Variants in TIMP3 observed in about 807,000 individuals in gnomAD.
The protein encoded by TIMP3 is metalloproteinase inhibitor 3.
In TIMP3, 11 loss-of-function variants were observed where a neutral mutation model predicts 30.0. The ratio of observed to expected loss-of-function variants is 0.37; its 90% CI spans 0.23 to 0.61. The LOEUF is 0.61. TIMP3 is among the 20% of genes least tolerant of loss of function. TIMP3 has a pLI of 0.70. For missense variants in TIMP3, 181 were observed against 276.8 expected, an observed-to-expected ratio of 0.65 and a Z score of 2.45; for synonymous variants, 112 against 111.3, an observed-to-expected ratio of 1.01 and a Z score of -0.04.
chr22:32,826,041 G>T (rs1229376226), intron 1 of TIMP3, among the ~76,000 whole-genome samples: 1 of 152,212 alleles, frequency 6.6e-6, no homozygotes, highest in Non-Finnish European at 1.5e-5. Context: ...GGGAGTTTAG[G>T]TCATTTACAC....
intron 2 of TIMP3, among the ~76,000 whole-genome samples, chr22:32,856,131 A>C (rs2048356933): frequency 6.6e-6 from 1 of 152,214 alleles, no homozygotes; most frequent in African/African-American, 2.4e-5. Flanking sequence ...GTGAGTGAGA[A>C]TGTTTTTGTG....
At chr22:32,856,310 G>T (rs2048363518) in intron 2 of TIMP3, among the ~76,000 whole-genome samples, 1 of 152,140 alleles carries the variant, frequency 6.6e-6, no homozygotes, top group African/African-American at 2.4e-5. Flanking sequence ...TGGGGCAGTT[G>T]GAATGGGGGG....
In TIMP3 at chr22:32,859,389, T is replaced by A. The variant is rs536706129; in HGVS notation, c.*12T>A. ...CCACAGACCCCTGAGCGCCAGACCC[T>A]GCCCCACCTCACTTCCCTCCCTTCC... On this transcript the variant is annotated 3_prime_UTR_variant, in exon 5 of 5. Transcript: ENST00000266085. The A allele has an allele frequency of 6.2e-7, 1 of 1,605,196 alleles. No homozygotes were observed. Among genetic ancestry groups the A allele is most frequent in the African/African-American group, 1.3e-5 (1 of 75,006 alleles).
intron 1 of TIMP3, among the ~76,000 whole-genome samples, chr22:32,813,486 TAC>T (rs130277): frequency 0.12 from 17,111 of 137,966 alleles, 1,088 homozygotes; most frequent in East Asian, 0.18. Flanking sequence ...TCTGAAAAGA[TAC>T]ACACACACAC....
At chr22:32,836,397 A>G (rs2047730562) in intron 1 of TIMP3, among the ~76,000 whole-genome samples, 1 of 152,248 alleles carries the variant, frequency 6.6e-6, no homozygotes, top group African/African-American at 2.4e-5. Flanking sequence ...CTTCAAGGCC[A>G]GGGCAGGTGG....
chr22:32,828,131 T>G (rs1033329621), intron 1 of TIMP3, among the ~76,000 whole-genome samples: 7 of 152,212 alleles, frequency 4.6e-5, no homozygotes, highest in African/African-American at 1.7e-4. Flanking sequence ...AACTCTAACA[T>G]TTGTTAAATG....
chr22:32,820,294 TGTG>T (rs1411147732), intron 1 of TIMP3, among the ~76,000 whole-genome samples: 1 of 151,164 alleles, frequency 6.6e-6, no homozygotes, highest in Non-Finnish European at 1.5e-5. Context: ...GTGTGGTGTG[TGTG>T]GTGTGTGTTC....
intron 1 of TIMP3, among the ~76,000 whole-genome samples, chr22:32,844,489 C>T (rs981350754): frequency 1.3e-5 from 2 of 152,140 alleles, no homozygotes; most frequent in Non-Finnish European, 2.9e-5. Context: ...AGCACTCTTG[C>T]CCAAACAAAT....
chr22:32,821,893 C>T (rs1456517410), intron 1 of TIMP3, among the ~76,000 whole-genome samples: 2 of 152,208 alleles, frequency 1.3e-5, no homozygotes, highest in African/African-American at 2.4e-5. Context: ...CAGTGGCTCA[C>T]GCCTGTAATC....
chr22:32,827,944 C>G (rs921500688), intron 1 of TIMP3, among the ~76,000 whole-genome samples: 1 of 152,180 alleles, frequency 6.6e-6, no homozygotes, highest in African/African-American at 2.4e-5. Flanking sequence ...CGTAGAGAGG[C>G]CTTCCTTGCC....
In TIMP3 at chr22:32,802,019, G is replaced by A; in HGVS notation, c.18G>A (p.Gly6=). 1 of 1,576,782 alleles carries A rather than the reference G, an allele frequency of 6.3e-7. No individual in the cohort carries two copies. Among genetic ancestry groups the A allele is most frequent in the East Asian group, 2.3e-5 (1 of 43,308 alleles). Residue 6 remains glycine (G), a synonymous_variant, in exon 1 of 5, where the codon GGG becomes GGA. Coordinates refer to ENST00000266085, the MANE Select transcript of TIMP3 (RefSeq NM_000362.5). MTPWL[G]LIVLLGSWSL... ...CAGCGGCAATGACCCCTTGGCTCGG[G>A]CTCATCGTGCTCCTGGGCAGCTGGA...
Position 32,822,929 on chromosome 22 carries a change from C to A in TIMP3, c.121+20807C>A, listed in dbSNP as rs67427215. On this transcript the variant is annotated intron_variant, in intron 1 of 4. Coordinates refer to ENST00000266085, the MANE Select transcript of TIMP3 (RefSeq NM_000362.5). ...TTAAAAACAACAACAACAACAACAA[C>A]AAAAAAAAAACAGAGAGAGAGAGAT... Among the ~76,000 whole-genome samples the A allele has an allele frequency of 3.1e-3, 79 of 25,332 alleles. No individual in the cohort carries two copies. In the East Asian group the frequency reaches 0.048, roughly 15 times the overall value. The allele number at this position is 25,332 out of a possible 152,430, so 16.6% of individuals were successfully genotyped here.
intron 1 of TIMP3, among the ~76,000 whole-genome samples, chr22:32,831,142 C>T (rs2047562901): frequency 6.6e-6 from 1 of 152,150 alleles, no homozygotes; most frequent in African/African-American, 2.4e-5. Context: ...GGCAGCGTGA[C>T]CCTTATGCCT....
intron 1 of TIMP3, among the ~76,000 whole-genome samples, chr22:32,843,514 C>T (rs541425600): frequency 1.3e-5 from 2 of 152,188 alleles, no homozygotes. Flanking sequence ...CATGAGCACT[C>T]CGGCCTCAGC....
intron 1 of TIMP3, among the ~76,000 whole-genome samples, chr22:32,813,140 T>A (rs1431078267): frequency 6.6e-6 from 1 of 152,188 alleles, no homozygotes; most frequent in Non-Finnish European, 1.5e-5. Context: ...ATCAGACATA[T>A]TGGAATATTA....
chr22:32,804,745 C>G (rs1022943188), intron 1 of TIMP3, among the ~76,000 whole-genome samples: 2 of 152,190 alleles, frequency 1.3e-5, no homozygotes, highest in African/African-American at 2.4e-5. Context: ...GCCCTGCACC[C>G]TATGGAAGTG....
chr22:32,850,345 C>G (rs2048183212), intron 2 of TIMP3, among the ~76,000 whole-genome samples: 1 of 151,926 alleles, frequency 6.6e-6, no homozygotes, highest in East Asian at 1.9e-4. Context: ...GCTTGGTGCT[C>G]CTAACATCCT....
intron 1 of TIMP3, among the ~76,000 whole-genome samples, chr22:32,813,953 A>G (rs1388534091): frequency 1.3e-5 from 2 of 152,162 alleles, no homozygotes; most frequent in African/African-American, 2.4e-5. Flanking sequence ...CAGCCATCAT[A>G]TTATTACTAC....
Position 32,801,917 on chromosome 22 carries a change from TCGGGCTGCAGCAGCCC to T in TIMP3, c.-82_-67del. Reference sequence around the variant, plus strand: ...CGCACGGCCCGGCGGGCGAGCGAGCTCGGGCTGCAGCAGCCCCGCCGGCGGCGCGCACGGCAACTTT... The same window carrying T: ...CGCACGGCCCGGCGGGCGAGCGAGCTCGCCGGCGGCGCGCACGGCAACTTT... On this transcript the variant is annotated 5_prime_UTR_variant, in exon 1 of 5. Coordinates refer to ENST00000266085, the MANE Select transcript of TIMP3 (RefSeq NM_000362.5). The surrounding 1 kb of genome is among the most constrained non-coding windows in gnomAD (Gnocchi z 4.7). 1 of 1,466,260 alleles carries T rather than the reference TCGGGCTGCAGCAGCCC, an allele frequency of 6.8e-7. No individual in the cohort carries two copies. The highest frequency in any genetic ancestry group is 9.0e-7 in the Non-Finnish European group (1 of 1,114,112). The allele number at this position is 1,466,260 out of a possible 1,614,324, so 90.8% of individuals were successfully genotyped here. A position where few individuals can be genotyped will look rare whatever the true frequency, so the allele number is the denominator to read the frequency against.
Sources: gnomAD v4.1 joint callset for allele counts (sites outside exome capture counted in the v4.1 genomes callset) on GRCh38, gnomAD v4.1.1 for gene constraint, Gnocchi (gnomAD v3.1) non-coding constraint, MANE v1.5 for transcripts, NCBI Gene and HGNC (gene_info 2026-07-23, HGNC 2026-07-21) for gene names.